MTBP: variants seen among roughly 807,000 people sequenced by gnomAD.
MTBP encodes MDM2 binding protein, also known as mdm2-binding protein.
MTBP carries 101 observed loss-of-function variants against 117.0 expected under a neutral mutation model. That is an observed-to-expected ratio of 0.86 (90% CI 0.73 to 1.02). MTBP has a LOEUF of 1.02. Ranked by LOEUF, MTBP falls within the 50% of genes least tolerant of loss-of-function variation. The pLI is 0.00. For missense variants in MTBP, 970 were observed against 1,030.9 expected (o/e 0.94, Z 0.81); for synonymous variants, 350 against 351.5 (o/e 1.00, Z 0.05).
chr8:120,456,694 C>A, intron 7 of MTBP, 24 bp downstream of exon 7: 1 of 1,191,566 alleles, frequency 8.4e-7, no homozygotes, highest in Non-Finnish European at 1.2e-6. Flanking sequence ...TCACAGTTTG[C>A]CAAGTAGGCC....
intron 11 of MTBP, among the ~76,000 whole-genome samples, chr8:120,476,004 A>C (rs1270537903): frequency 6.6e-6 from 1 of 152,008 alleles, no homozygotes; most frequent in Admixed American, 6.6e-5. Flanking sequence ...TTTTTAAAAA[A>C]ACCTTTATAT....
rs1814915621 is a variant in MTBP, at chr8:120,516,186, A to G, written c.2241A>G (p.Arg747=). 3 of 1,608,492 alleles carry G rather than the reference A, an allele frequency of 1.9e-6. No homozygotes were observed. In the African/African-American group the frequency reaches 4.0e-5, roughly 21 times the overall value. The change falls in exon 18 of 22, where the codon AGA becomes AGG. Residue 747 remains arginine, a synonymous_variant. Transcript: ENST00000305949. ...AAGATCTGAATTGCCTTTATCCCAG[A>G]AAAAGGTGATATATTACATGCACAT... ...RSKDLNCLYP[R]KRLVKSESSE... is the part of the protein sequence containing the mutation.
chr8:120,457,740 C>G (rs979192856), intron 7 of MTBP, among the ~76,000 whole-genome samples: 1 of 151,930 alleles, frequency 6.6e-6, no homozygotes, highest in Admixed American at 6.6e-5. Context: ...CTGGCTAACA[C>G]GGTAAAACCT....
intron 4 of MTBP, chr8:120,451,567 A>G: frequency 7.9e-6 from 3 of 381,652 alleles, no homozygotes. Context: ...CCTTTCTTGA[A>G]GATAAATTCT....
At chr8:120,510,911 G>GA (rs948947290) in intron 17 of MTBP, among the ~76,000 whole-genome samples, 2 of 120,248 alleles carry the variant, frequency 1.7e-5, no homozygotes, top group Non-Finnish European at 3.7e-5. Flanking sequence ...CCTGTCTCAA[G>GA]AAAAAAAAAA....
intron 11 of MTBP, among the ~76,000 whole-genome samples, chr8:120,478,656 T>G (rs1478700731): frequency 2.0e-5 from 3 of 152,290 alleles, no homozygotes; most frequent in Admixed American, 1.3e-4. Context: ...TAAAAATATT[T>G]TTAGAGGGAC....
chr8:120,449,921 T>C (rs369765895), intron 2 of MTBP, among the ~76,000 whole-genome samples: 9 of 151,786 alleles, frequency 5.9e-5, no homozygotes, highest in African/African-American at 2.2e-4. Context: ...TGGAAGGAAG[T>C]GGAAAAGTTG....
At chr8:120,465,556 A>T (rs1813668047) in intron 10 of MTBP, among the ~76,000 whole-genome samples, 1 of 152,126 alleles carries the variant, frequency 6.6e-6, no homozygotes, top group Admixed American at 6.5e-5. Flanking sequence ...TTTCCTTAAA[A>T]GTATAAAGCG....
intron 7 of MTBP, among the ~76,000 whole-genome samples, chr8:120,457,663 G>A (rs1425509662): frequency 5.3e-5 from 8 of 152,080 alleles, no homozygotes; most frequent in Non-Finnish European, 1.0e-4. Context: ...GGTGGCTCAC[G>A]CCTATAATCT....
At chr8:120,455,197 A>G (rs968303356) in intron 5 of MTBP, among the ~76,000 whole-genome samples, 1 of 151,956 alleles carries the variant, frequency 6.6e-6, no homozygotes, top group Admixed American at 6.6e-5. Context: ...TATGCTAGCT[A>G]TTTCAAGATA....
At chr8:120,479,655 T>C (rs1196323192) in intron 11 of MTBP, among the ~76,000 whole-genome samples, 1 of 152,198 alleles carries the variant, frequency 6.6e-6, no homozygotes, top group African/African-American at 2.4e-5. Flanking sequence ...TCCTCCAATT[T>C]CAATGGAATT....
At chr8:120,480,752 A>G (rs1203905056) in intron 11 of MTBP, among the ~76,000 whole-genome samples, 1 of 152,150 alleles carries the variant, frequency 6.6e-6, no homozygotes, top group Non-Finnish European at 1.5e-5. Context: ...AATGGATCAT[A>G]TAACTTAATT....
At chr8:120,513,467 C>T (rs13281071) in intron 17 of MTBP, among the ~76,000 whole-genome samples, 40,209 of 151,844 alleles carry the variant, frequency 0.26, 6,543 homozygotes, top group Non-Finnish European at 0.37. Context: ...CCTTGCCTCT[C>T]TGTTTCTTTT....
At chr8:120,455,705 TAC>T in intron 6 of MTBP, 126 bp downstream of exon 6, 1 of 859,796 alleles carries the variant, frequency 1.2e-6, no homozygotes, top group Non-Finnish European at 1.8e-6. Flanking sequence ...TTCTATGTTA[TAC>T]CATGATTGCA....
Position 120,461,190 on chromosome 8 carries a change from A to AC in MTBP, c.912_913insC (p.Phe305LeufsTer19). ...TCCATTATTATGGCCCTGCTTTAGA[A>AC]TTTGTGCAGATGATAAAATTATCAG... On this transcript the variant is annotated frameshift_variant, in exon 9 of 22. Transcript: ENST00000305949. LOFTEE classifies it high-confidence loss of function. The AC allele has an allele frequency of 6.2e-7, 1 of 1,603,150 alleles. No homozygotes were observed. The highest frequency in any genetic ancestry group is 8.5e-7 in the Non-Finnish European group (1 of 1,171,400).
chr8:120,497,427 TTC>T lies in MTBP; in HGVS notation c.1484_1485del (p.Ser495CysfsTer3). The T allele has an allele frequency of 6.2e-7, 1 of 1,606,426 alleles. No homozygotes were observed. Among genetic ancestry groups the T allele is most frequent in the East Asian group, 2.2e-5 (1 of 44,576 alleles). ...RKLAKQPETV[S>X]VAELKSLLVL... Reference sequence around the variant, plus strand: ...AGTTGGCAAAGCAGCCTGAAACAGTTTCTGTTGCTGAACTCAAAAGTCTGTTA... The same window carrying T: ...AGTTGGCAAAGCAGCCTGAAACAGTTTGTTGCTGAACTCAAAAGTCTGTTA... On this transcript the variant is annotated frameshift_variant, in exon 14 of 22. Transcript: ENST00000305949. LOFTEE classifies it high-confidence loss of function.
chr8:120,504,580 T>C (rs1358080687), intron 15 of MTBP, among the ~76,000 whole-genome samples: 1 of 152,098 alleles, frequency 6.6e-6, no homozygotes, highest in Non-Finnish European at 1.5e-5. Flanking sequence ...CTTTTACAAT[T>C]TTCTATTTTC....
At chr8:120,477,020 A>C (rs1813955985) in intron 11 of MTBP, among the ~76,000 whole-genome samples, 1 of 152,240 alleles carries the variant, frequency 6.6e-6, no homozygotes. Context: ...GACTACAGTA[A>C]CCAAAACAGC....
intron 7 of MTBP, among the ~76,000 whole-genome samples, chr8:120,457,866 A>G (rs1813502719): frequency 6.6e-6 from 1 of 151,718 alleles, no homozygotes; most frequent in Non-Finnish European, 1.5e-5. Context: ...GAATGGTGTG[A>G]ACCCGGGAGG....
Sources: allele counts gnomAD v4.1 joint callset (sites outside exome capture counted in the v4.1 genomes callset), GRCh38; gene constraint gnomAD v4.1.1; transcripts MANE v1.5; gene names NCBI Gene and HGNC (gene_info 2026-07-23, HGNC 2026-07-21).